Variants in CATSPERE observed in about 807,000 individuals in gnomAD.
CATSPERE encodes the protein catsper channel auxiliary subunit epsilon.
A neutral mutation model predicts 114.1 loss-of-function variants in CATSPERE; 93 were observed. The ratio of observed to expected loss-of-function variants is 0.81; its 90% confidence interval spans 0.69 to 0.97. The LOEUF (loss-of-function observed/expected upper bound fraction) is 0.97, where lower values mean the gene tolerates loss of function less well. Ranked by LOEUF, CATSPERE falls within the 50% of genes least tolerant of loss-of-function variation. The pLI, the probability that CATSPERE is intolerant of heterozygous loss-of-function variation, is 0.00. For synonymous variants in CATSPERE, 341 were observed against 384.1 expected (o/e 0.89, Z 1.31); for missense variants, 1,058 against 1,131.6 (o/e 0.93, Z 0.93).
At position 244,632,393 on chromosome 1, in the gene CATSPERE, C is replaced by CAAA. The variant is rs35948602; in HGVS notation, c.2649-3082_2649-3080dup. Among the ~76,000 whole-genome samples the CAAA allele has an allele frequency of 4.6e-3, 505 of 109,306 alleles. 18 individuals carry two copies. Among genetic ancestry groups the CAAA allele is most frequent in the African/African-American group, 0.017 (451 of 26,918 alleles). 71.7% of individuals were successfully genotyped at this position (109,306 alleles called of 152,430 possible). Reference sequence around the variant, plus strand: ...TGGGCAATAGAGTGAGACTCCAACTCAAAAAAAAAAAAAAAATGAAAAAGA... The same window carrying CAAA: ...TGGGCAATAGAGTGAGACTCCAACTCAAAAAAAAAAAAAAAAAAATGAAAAAGA... On this transcript the variant is annotated intron_variant, in intron 20 of 21. Transcript: ENST00000366534.
intron 10 of CATSPERE, 40 bp downstream of exon 10, chr1:244,561,185 A>C: frequency 4.5e-6 from 6 of 1,332,880 alleles, no homozygotes; most frequent in Non-Finnish European, 6.3e-6. Flanking sequence ...TCTAGATTTC[A>C]CTATAGACAT....
rs530041575 is a variant in CATSPERE at position 244,635,539 on chromosome 1, C to T, written c.2699C>T (p.Pro900Leu). Reference sequence around the variant, plus strand: ...GCAATAGAGACATTTGGACTGATTCCCAGGTAAGGAGCAGGGCCTAACTGG... The same window carrying T: ...GCAATAGAGACATTTGGACTGATTCTCAGGTAAGGAGCAGGGCCTAACTGG... The part of the protein sequence containing the change: ...MFAIETFGLI[P>L]SPSVYLVASF... The change falls in exon 21 of 22, where the codon CCC becomes CTC. Residue 900 changes from proline (P) to leucine (L), a missense_variant. Pro to Leu is a moderately conservative substitution (Grantham distance 98, BLOSUM62 -3). Transcript: ENST00000366534. 67 of 1,611,560 alleles carry T rather than the reference C, an allele frequency of 4.2e-5. No homozygotes were observed. The highest frequency in any genetic ancestry group is 5.5e-5 in the Non-Finnish European group (65 of 1,178,126).
At chr1:244,559,090 G>A (rs1307572862) in intron 9 of CATSPERE, among the ~76,000 whole-genome samples, 1 of 152,198 alleles carries the variant, frequency 6.6e-6, no homozygotes, top group Non-Finnish European at 1.5e-5. Context: ...CGTGGGAAAG[G>A]GTTTGTGAGT....
chr1:244,573,012 A>T lies in CATSPERE; in HGVS notation c.1950+240A>T, dbSNP rs937027298. ...TCCTTCAAAACTCATTGTCAATTGT[A>T]TTGTTCACTTCTTCTTCTTTTTTTT... On this transcript the variant is annotated intron_variant, in intron 11 of 21. Coordinates refer to ENST00000366534, the MANE Select transcript of CATSPERE (RefSeq NM_001130957.2). The surrounding 1 kb of genome is among the most constrained non-coding windows in gnomAD (Gnocchi z 4.0). 6.6e-6 allele frequency among the ~76,000 whole-genome samples: 1 copy of T among 151,486 alleles called. No homozygotes were observed. Among genetic ancestry groups the T allele is most frequent in the African/African-American group, 2.4e-5 (1 of 41,216 alleles).
rs1664755079 is a variant in CATSPERE, at chr1:244,573,396, G to A, written c.1950+624G>A. Among the ~76,000 whole-genome samples the A allele has an allele frequency of 7.0e-6, 1 of 143,672 alleles. No individual in the cohort carries two copies. Among genetic ancestry groups the A allele is most frequent in the Non-Finnish European group, 1.5e-5 (1 of 65,178 alleles). 94.3% of individuals were successfully genotyped at this position (143,672 alleles called of 152,430 possible). ...ACTGCACTCCAGCCTGGGTGACAGA[G>A]TGAGACTCCCTCTCAAAAAACAAAA... On this transcript the variant is annotated intron_variant, in intron 11 of 21. Coordinates refer to ENST00000366534, the MANE Select transcript of CATSPERE (RefSeq NM_001130957.2). The surrounding 1 kb of genome is among the most constrained non-coding windows in gnomAD (Gnocchi z 4.0).
At chr1:244,621,320 A>ATC (rs1672353438) in intron 20 of CATSPERE, among the ~76,000 whole-genome samples, 5 of 3,998 alleles carry the variant, frequency 1.3e-3, no homozygotes, top group African/African-American at 3.3e-3. Context: ...TATAAAATAT[A>ATC]TATATATATA....
At chr1:244,505,772 C>T (rs180687564) in intron 7 of CATSPERE, among the ~76,000 whole-genome samples, 79 of 151,962 alleles carry the variant, frequency 5.2e-4, no homozygotes, top group African/African-American at 1.8e-3. Context: ...TTTGGGAGGC[C>T]GAGGTGGGTG....
rs533813296 is a variant in CATSPERE, at chr1:244,521,092, A to C, written c.536+2394A>C. On this transcript the variant is annotated intron_variant, in intron 8 of 21. Transcript: ENST00000366534. ...CAATAGGCCAGGCATAGTGGCTCAC[A>C]CCTTTAATCCCAGCACTTTGGGAGG... 3.3e-5 allele frequency among the ~76,000 whole-genome samples: 5 copies of C among 152,314 alleles called. No homozygotes were observed. The South Asian group carries it at 1.0e-3, about 32-fold the overall frequency.
At chr1:244,613,436 A>C (rs947757108) in intron 19 of CATSPERE, among the ~76,000 whole-genome samples, 1 of 152,238 alleles carries the variant, frequency 6.6e-6, no homozygotes, top group Non-Finnish European at 1.5e-5. Flanking sequence ...GTCAGAGTTT[A>C]TCGAGACATA....
chr1:244,518,987 A>G (rs913906737), intron 8 of CATSPERE, among the ~76,000 whole-genome samples: 1 of 152,108 alleles, frequency 6.6e-6, no homozygotes, highest in Admixed American at 6.6e-5. Flanking sequence ...GGCTTATAAA[A>G]GTCAACCACG....
At position 244,617,698 on chromosome 1, in the gene CATSPERE, T is replaced by G; in HGVS notation, c.2648+12T>G. The stretch of plus-strand genomic sequence containing the variant: ...GATCCAAACTATAGGTGAATATATG[T>G]GTTACTGTAATAGTGTTAGCATTAG... On this transcript the variant is annotated intron_variant, in intron 20 of 21. Transcript: ENST00000366534. The G allele has an allele frequency of 6.6e-7, 1 of 1,524,212 alleles. No individual in the cohort carries two copies. The highest frequency in any genetic ancestry group is 8.8e-7 in the Non-Finnish European group (1 of 1,139,260). 94.4% of individuals were successfully genotyped at this position (1,524,212 alleles called of 1,614,324 possible). A position where few individuals can be genotyped will look rare whatever the true frequency, so the allele number is the denominator to read the frequency against.
At chr1:244,538,745 C>A (rs1481018021) in intron 8 of CATSPERE, among the ~76,000 whole-genome samples, 1 of 152,190 alleles carries the variant, frequency 6.6e-6, no homozygotes, top group Non-Finnish European at 1.5e-5. Flanking sequence ...ATTCAACTTT[C>A]CCAGCATTCT....
chr1:244,544,228 AC>A (rs1659358250), intron 8 of CATSPERE, among the ~76,000 whole-genome samples: 1 of 152,148 alleles, frequency 6.6e-6, no homozygotes, highest in East Asian at 1.9e-4. Flanking sequence ...CCTCAAAGGG[AC>A]CTGTGGCCTC....
chr1:244,543,822 A>G (rs1048682717), intron 8 of CATSPERE, among the ~76,000 whole-genome samples: 3 of 151,954 alleles, frequency 2.0e-5, no homozygotes, highest in South Asian at 4.2e-4. Flanking sequence ...AAAAGAACTT[A>G]TATTATGAGG....
intron 20 of CATSPERE, among the ~76,000 whole-genome samples, chr1:244,629,512 T>TG (rs1213672751): frequency 6.8e-6 from 1 of 148,072 alleles, no homozygotes; most frequent in Non-Finnish European, 1.5e-5. Flanking sequence ...CCTTTTTTTT[T>TG]TTTTTTTTTT....
At chr1:244,461,528 G>A in intron 1 of CATSPERE, 34 bp downstream of exon 1, 1 of 1,274,464 alleles carries the variant, frequency 7.8e-7, no homozygotes, top group Non-Finnish European at 1.0e-6. Context: ...GAGCGACTAG[G>A]CGGGGATTAC....
intron 20 of CATSPERE, among the ~76,000 whole-genome samples, chr1:244,618,734 G>A (rs1044532658): frequency 2.2e-5 from 2 of 91,136 alleles, no homozygotes; most frequent in South Asian, 4.3e-4. Flanking sequence ...CTGAGATTGC[G>A]CCATTCATTG....
At chr1:244,602,190 G>C (rs1413270797) in intron 17 of CATSPERE, among the ~76,000 whole-genome samples, 1 of 152,214 alleles carries the variant, frequency 6.6e-6, no homozygotes, top group African/African-American at 2.4e-5. Flanking sequence ...GGAATCACTT[G>C]ATAAAACCTT....
rs1422561599 is a variant in CATSPERE, at chr1:244,631,981, T to C, written c.2649-3508T>C. Among the ~76,000 whole-genome samples the C allele has an allele frequency of 2.0e-5, 3 of 152,086 alleles. No homozygotes were observed. In the East Asian group the frequency reaches 5.8e-4, roughly 29 times the overall value. On this transcript the variant is annotated intron_variant, in intron 20 of 21. Transcript: ENST00000366534. ...CCCAAATGAGGCTGAGGTGGGAGGA[T>C]TGGTTGAGCCAGGGAGGTTGAAGCT...
Sources: allele counts gnomAD v4.1 joint callset (sites outside exome capture counted in the v4.1 genomes callset), GRCh38; gene constraint gnomAD v4.1.1; non-coding constraint Gnocchi (gnomAD v3.1); transcripts MANE v1.5; gene names NCBI Gene and HGNC (gene_info 2026-07-23, HGNC 2026-07-21).